Variants in DDX10 observed in about 807,000 individuals in gnomAD.
DDX10 encodes probable ATP-dependent RNA helicase DDX10.
DDX10 carries 74 observed loss-of-function variants against 104.3 expected under a neutral mutation model. The ratio of observed to expected loss-of-function variants is 0.71; its 90% CI spans 0.59 to 0.86. The LOEUF (loss-of-function observed/expected upper bound fraction) is 0.86. DDX10 is among the 40% of genes least tolerant of loss of function. DDX10 has a pLI of 0.00. For synonymous variants in DDX10, 351 were observed against 353.4 expected (o/e 0.99, Z 0.08); for missense variants, 952 against 1,040.0 (o/e 0.92, Z 1.16).
chr11:108,917,992 T>C lies in DDX10; in HGVS notation c.2424T>C (p.Asp808=). ...PDKYRSSEDS[D]SEDMENKISD... The stretch of plus-strand genomic sequence containing the variant: ...AATACAGAAGCTCTGAAGATTCAGA[T>C]AGTGAAGATATGGAAAATAAAATAA... Residue 808 remains aspartate (D), a synonymous_variant, in exon 17 of 18, where the codon GAT becomes GAC. Coordinates refer to ENST00000322536, the MANE Select transcript of DDX10 (RefSeq NM_004398.4). 6.2e-7 allele frequency: 1 copy of C among 1,613,732 alleles called. No homozygotes were observed. Among genetic ancestry groups the C allele is most frequent in the Non-Finnish European group, 8.5e-7 (1 of 1,179,912 alleles).
intron 9 of DDX10, among the ~76,000 whole-genome samples, chr11:108,700,168 C>T (rs909509896): frequency 1.3e-5 from 2 of 152,102 alleles, no homozygotes; most frequent in African/African-American, 4.8e-5. Flanking sequence ...CGCAGGGCAT[C>T]CTCTTCCCTA....
chr11:108,848,584 A>T (rs1862750029), intron 15 of DDX10, among the ~76,000 whole-genome samples: 1 of 152,040 alleles, frequency 6.6e-6, no homozygotes, highest in Non-Finnish European at 1.5e-5. Flanking sequence ...CTGCCTGGGG[A>T]GGTGTCTGTT....
At chr11:108,834,141 T>A (rs948681853) in intron 13 of DDX10, among the ~76,000 whole-genome samples, 46 of 150,070 alleles carry the variant, frequency 3.1e-4, no homozygotes, top group East Asian at 9.8e-4. Context: ...TTTTTTTTTT[T>A]AATTTTTAGT....
At chr11:108,910,120 G>A (rs141547004) in intron 16 of DDX10, among the ~76,000 whole-genome samples, 2 of 151,006 alleles carry the variant, frequency 1.3e-5, no homozygotes, top group African/African-American at 4.9e-5. Flanking sequence ...TAAGGAAAGT[G>A]GAGATTACCA....
intron 13 of DDX10, among the ~76,000 whole-genome samples, chr11:108,787,412 G>A (rs987900424): frequency 3.9e-5 from 6 of 151,984 alleles, no homozygotes; most frequent in South Asian, 2.1e-4. Flanking sequence ...GGAGATTTTC[G>A]TAGAGTATAT....
intron 16 of DDX10, among the ~76,000 whole-genome samples, chr11:108,904,631 C>T (rs990034164): frequency 6.6e-6 from 1 of 151,988 alleles, no homozygotes; most frequent in South Asian, 2.1e-4. Flanking sequence ...TGGAACAAAC[C>T]ATGAAGAATG....
intron 13 of DDX10, among the ~76,000 whole-genome samples, chr11:108,737,664 T>C (rs748949739): frequency 2.6e-5 from 4 of 152,180 alleles, no homozygotes; most frequent in Non-Finnish European, 5.9e-5. Flanking sequence ...TTTGGAAAAG[T>C]GCATAAAGGA....
chr11:108,784,537 T>C (rs1365435482), intron 13 of DDX10, among the ~76,000 whole-genome samples: 1 of 152,044 alleles, frequency 6.6e-6, no homozygotes, highest in Non-Finnish European at 1.5e-5. Flanking sequence ...TTTTAAATTA[T>C]ATTGTTTGTT....
intron 8 of DDX10, 27 bp from the exon 9 acceptor site, chr11:108,693,489 T>A: frequency 6.3e-7 from 1 of 1,584,220 alleles, no homozygotes; most frequent in Non-Finnish European, 8.7e-7. Context: ...GCAACCAGTT[T>A]CTTAACTTCA....
At chr11:108,807,489 T>A (rs752716410) in intron 13 of DDX10, among the ~76,000 whole-genome samples, 33 of 152,138 alleles carry the variant, frequency 2.2e-4, no homozygotes, top group Admixed American at 6.5e-4. Flanking sequence ...GGGGGTGGGT[T>A]GTGAGGGGAA....
intron 13 of DDX10, among the ~76,000 whole-genome samples, chr11:108,807,419 A>G (rs1032049420): frequency 1.3e-5 from 2 of 152,210 alleles, no homozygotes; most frequent in Non-Finnish European, 2.9e-5. Flanking sequence ...AAACCAGTTT[A>G]GACAGTACTG....
chr11:108,887,210 A>T (rs1863308758), intron 16 of DDX10, among the ~76,000 whole-genome samples: 1 of 152,132 alleles, frequency 6.6e-6, no homozygotes, highest in Non-Finnish European at 1.5e-5. Context: ...GCCATGTTGT[A>T]CGTGGCCCAT....
At chr11:108,748,287 C>A (rs1005445034) in intron 13 of DDX10, among the ~76,000 whole-genome samples, 10 of 152,108 alleles carry the variant, frequency 6.6e-5, no homozygotes, top group African/African-American at 2.2e-4. Flanking sequence ...GACTTCTGAA[C>A]GAGAGAGAGC....
intron 16 of DDX10, among the ~76,000 whole-genome samples, chr11:108,881,621 C>T (rs1863228206): frequency 6.6e-6 from 1 of 152,158 alleles, no homozygotes; most frequent in Non-Finnish European, 1.5e-5. Context: ...CAGTGAATTA[C>T]ATGAGCTATT....
intron 16 of DDX10, among the ~76,000 whole-genome samples, chr11:108,898,401 C>T (rs148047371): frequency 1.3e-5 from 2 of 151,992 alleles, no homozygotes; most frequent in Non-Finnish European, 2.9e-5. Flanking sequence ...CAGACATGAC[C>T]GAAAAATCAT....
chr11:108,793,556 T>C (rs1413799614), intron 13 of DDX10, among the ~76,000 whole-genome samples: 2 of 152,210 alleles, frequency 1.3e-5, no homozygotes, highest in African/African-American at 4.8e-5. Context: ...ATATTTTTCA[T>C]CCTATTATAA....
chr11:108,860,586 C>T (rs1862927823), intron 16 of DDX10: 1 of 151,922 alleles, frequency 6.6e-6, no homozygotes, highest in Admixed American at 6.6e-5. Flanking sequence ...CACTTCATCA[C>T]CCAGGCTGGA....
chr11:108,865,487 A>G (rs1383641554), intron 16 of DDX10, among the ~76,000 whole-genome samples: 4 of 152,178 alleles, frequency 2.6e-5, no homozygotes, highest in African/African-American at 9.7e-5. Flanking sequence ...ACAGCAGGAG[A>G]CTAACCATTT....
intron 17 of DDX10, chr11:108,921,261 A>G (rs1863821832): frequency 6.6e-6 from 1 of 152,218 alleles, no homozygotes; most frequent in South Asian, 2.1e-4. Flanking sequence ...AAATTGTTTT[A>G]GATAAAGAAA....
Sources: gnomAD v4.1 joint callset for allele counts (sites outside exome capture counted in the v4.1 genomes callset) on GRCh38, gnomAD v4.1.1 for gene constraint, MANE v1.5 for transcripts, NCBI Gene and HGNC (gene_info 2026-07-23, HGNC 2026-07-21) for gene names.